Variants in DMD observed in about 807,000 individuals in gnomAD.
DMD encodes the protein mutant dystrophin.
A neutral mutation model predicts 330.1 loss-of-function variants in DMD; 63 were observed. The observed-to-expected ratio is 0.19, with a 90% confidence interval of 0.16 to 0.24. The LOEUF (loss-of-function observed/expected upper bound fraction) is 0.24, where lower values mean the gene tolerates loss of function less well. DMD is among the 10% of genes least tolerant of loss of function. The probability of loss-of-function intolerance (pLI) is 1.00; values close to 1 mark genes in which losing one functional copy is unlikely to be tolerated. For missense variants in DMD, 3,344 were observed against 2,684.1 expected (o/e 1.25, Z -5.43); for synonymous variants, 1,223 against 959.8 (o/e 1.27, Z -5.07).
intron 1 of DMD, among the ~76,000 whole-genome samples, chrX:33,131,777 T>G (rs905020192): frequency 8.9e-6 from 1 of 112,220 alleles, no homozygotes; most frequent in African/African-American, 3.2e-5. Flanking sequence ...ACCTCTTTTG[T>G]GAGTATCAGT....
chrX:33,241,510 G>A (rs1373772681), intron 1 of DMD, among the ~76,000 whole-genome samples: 1 of 111,366 alleles, frequency 9.0e-6, no homozygotes, highest in Admixed American at 9.5e-5. Flanking sequence ...TGTTCTTTTT[G>A]CTCAACATTA....
intron 43 of DMD, among the ~76,000 whole-genome samples, chrX:32,227,218 T>C (rs768268837): frequency 6.5e-4 from 60 of 91,633 alleles, no homozygotes; most frequent in African/African-American, 2.3e-3. Flanking sequence ...ATGTATTCCA[T>C]TGTGTAGTAT....
chrX:32,206,506 C>T (rs931050205), intron 44 of DMD: 6 of 569,922 alleles, frequency 1.1e-5, no homozygotes, highest in Non-Finnish European at 1.8e-5. Flanking sequence ...GACTCAAAAC[C>T]GTCAACACCA....
chrX:32,333,703 G>A (rs1193721657), intron 41 of DMD, among the ~76,000 whole-genome samples: 1 of 110,949 alleles, frequency 9.0e-6, no homozygotes, highest in Non-Finnish European at 1.9e-5. Context: ...ATTGTGGGTA[G>A]GATTTATTTA....
chrX:31,604,382 T>C (rs926564128), intron 55 of DMD, among the ~76,000 whole-genome samples: 2 of 111,765 alleles, frequency 1.8e-5, no homozygotes, highest in East Asian at 5.6e-4. Context: ...TTCAACTCTG[T>C]GATTCTATGG....
At chrX:32,294,032 A>G (rs1355871593) in intron 42 of DMD, among the ~76,000 whole-genome samples, 1 of 111,941 alleles carries the variant, frequency 8.9e-6, no homozygotes, top group Non-Finnish European at 1.9e-5. Flanking sequence ...TGATTAGGTC[A>G]GGTACCAGAA....
At chrX:32,415,521 A>T (rs368168333) in intron 29 of DMD, among the ~76,000 whole-genome samples, 2 of 112,432 alleles carry the variant, frequency 1.8e-5, no homozygotes, top group African/African-American at 6.5e-5. Context: ...CAGGCTTATG[A>T]ATTTTCTGAC....
intron 2 of DMD, among the ~76,000 whole-genome samples, chrX:32,954,427 C>T (rs12391326): frequency 0.12 from 13,835 of 111,464 alleles, 927 homozygotes; most frequent in African/African-American, 0.26. Context: ...TCTCACCCTA[C>T]ACATGGCCCT....
intron 48 of DMD, among the ~76,000 whole-genome samples, chrX:31,867,218 TA>T (rs1479273117): frequency 9.3e-6 from 1 of 108,090 alleles, no homozygotes; most frequent in East Asian, 2.9e-4. Flanking sequence ...TTTTTTTTTT[TA>T]TATTTTGGGT....
In DMD at chrX:33,010,050, A is replaced by G. The variant is rs767561302; in HGVS notation, c.93+10089T>C. On this transcript the variant is annotated intron_variant, in intron 2 of 78. Coordinates refer to ENST00000357033, the MANE Select transcript of DMD (RefSeq NM_004006.3). ...TGTACATGTGTATATACACATGTGTATATATACGTGTATATATACACAAAT... is the reference window on the plus strand; with the variant it reads ...TGTACATGTGTATATACACATGTGTGTATATACGTGTATATATACACAAAT... 6.3e-4 allele frequency among the ~76,000 whole-genome samples: 51 copies of G among 80,815 alleles called. 5 individuals are homozygous for G. The East Asian group carries it at 0.015, about 24-fold the overall frequency. The allele number at this position is 80,815 out of a possible 115,157, so 70.2% of individuals were successfully genotyped here. A position where few individuals can be genotyped will look rare whatever the true frequency, so the allele number is the denominator to read the frequency against.
At chrX:32,959,574 T>G (rs778313801) in intron 2 of DMD, among the ~76,000 whole-genome samples, 4 of 111,291 alleles carry the variant, frequency 3.6e-5, no homozygotes, top group Non-Finnish European at 7.5e-5. Context: ...TTTATAATTT[T>G]TTGCCTTCCC....
intron 1 of DMD, among the ~76,000 whole-genome samples, chrX:33,237,270 T>G (rs777113303): frequency 1.8e-4 from 18 of 99,481 alleles, no homozygotes; most frequent in Non-Finnish European, 3.0e-4. Context: ...TGAAATGGAG[T>G]TTCACTCTTG....
intron 25 of DMD, among the ~76,000 whole-genome samples, chrX:32,460,710 A>G (rs2098380322): frequency 9.0e-6 from 1 of 110,995 alleles, no homozygotes; most frequent in Non-Finnish European, 1.9e-5. Flanking sequence ...TCAAGTTCCT[A>G]CTACTCGGGT....
chrX:32,435,530 C>T (rs1311621711), intron 29 of DMD, among the ~76,000 whole-genome samples: 1 of 109,722 alleles, frequency 9.1e-6, no homozygotes, highest in South Asian at 4.0e-4. Flanking sequence ...TACTCAAAAT[C>T]ACATAGCCAG....
rs201177137 is a variant in DMD, at chrX:31,566,295, CT to C, written c.8218-58843del. ...AAGGTGTGAGATTTAGGTTGAAGTT[CT>C]TTTTTTTTCCCACTCTAGGGATGTC... On this transcript the variant is annotated intron_variant, in intron 55 of 78. Coordinates refer to ENST00000357033, the MANE Select transcript of DMD (RefSeq NM_004006.3). 6.3e-5 allele frequency among the ~76,000 whole-genome samples: 7 copies of C among 110,275 alleles called. No individual in the cohort carries two copies. The South Asian group carries it at 1.1e-3, about 18-fold the overall frequency.
rs184502029 is a variant in DMD at position 31,438,779 on chromosome X, A to C, written c.9084+5702T>G. Among the ~76,000 whole-genome samples, 9 of 111,458 alleles carry C rather than the reference A, an allele frequency of 8.1e-5. No homozygotes were observed. The East Asian group carries it at 2.5e-3, about 31-fold the overall frequency. On this transcript the variant is annotated intron_variant, in intron 60 of 78. Transcript: ENST00000357033. ...TTAGTACAGGATCATTAAAAAACAA[A>C]AAAGAAAGATATGAGGAAAATGTTC...
At chrX:33,262,182 T>A (rs1202531552) in intron 1 of DMD, among the ~76,000 whole-genome samples, 1 of 111,383 alleles carries the variant, frequency 9.0e-6, no homozygotes, top group Non-Finnish European at 1.9e-5. Flanking sequence ...ATGTAGTAAA[T>A]GAATCAATTT....
At chrX:31,376,045 G>A (rs1212904909) in intron 60 of DMD, among the ~76,000 whole-genome samples, 1 of 111,202 alleles carries the variant, frequency 9.0e-6, no homozygotes. Context: ...TGGATATTAC[G>A]TCTCCGTAAT....
intron 61 of DMD, among the ~76,000 whole-genome samples, chrX:31,346,012 A>G (rs1401719130): frequency 9.0e-6 from 1 of 111,421 alleles, no homozygotes; most frequent in Non-Finnish European, 1.9e-5. Flanking sequence ...CAAATACTTT[A>G]AAGTATTTGT....
Sources: gnomAD v4.1 joint callset for allele counts (sites outside exome capture counted in the v4.1 genomes callset) on GRCh38, gnomAD v4.1.1 for gene constraint, MANE v1.5 for transcripts, NCBI Gene and HGNC (gene_info 2026-07-23, HGNC 2026-07-21) for gene names.